FHIT: variants seen among roughly 807,000 people sequenced by gnomAD.
FHIT encodes fragile histidine triad diadenosine triphosphatase.
In FHIT, 19 loss-of-function variants were observed where a neutral mutation model predicts 17.9. The observed-to-expected ratio is 1.06, with a 90% CI of 0.74 to 1.56. The LOEUF (loss-of-function observed/expected upper bound fraction) is 1.56. FHIT is among the 40% of genes most tolerant of loss of function. FHIT has a pLI of 0.00. For missense variants in FHIT, 248 were observed against 189.2 expected, an observed-to-expected ratio of 1.31 and a Z score of -1.82; for synonymous variants, 81 against 69.7, an observed-to-expected ratio of 1.16 and a Z score of -0.81.
intron 8 of FHIT, among the ~76,000 whole-genome samples, chr3:59,830,114 C>T (rs1287795432): frequency 6.6e-6 from 1 of 151,998 alleles, no homozygotes; most frequent in Non-Finnish European, 1.5e-5. Context: ...CAAAAGTTTA[C>T]ATTAGTGGCA....
intron 8 of FHIT, among the ~76,000 whole-genome samples, chr3:59,900,681 T>G (rs1704286293): frequency 1.3e-5 from 2 of 152,178 alleles, no homozygotes; most frequent in African/African-American, 4.8e-5. Context: ...TGGTGCGATC[T>G]CAGCTCACTG....
chr3:60,121,686 A>AAAAAC (rs1553690200), intron 5 of FHIT, among the ~76,000 whole-genome samples: 4 of 96,888 alleles, frequency 4.1e-5, no homozygotes, highest in African/African-American at 1.7e-4. Context: ...TCTGTCTCAA[A>AAAAAC]AAACAAACAA....
chr3:60,629,981 C>T (rs2039396848), intron 4 of FHIT, among the ~76,000 whole-genome samples: 1 of 152,172 alleles, frequency 6.6e-6, no homozygotes, highest in African/African-American at 2.4e-5. Flanking sequence ...GTGTCAGGAC[C>T]TTGCTCCTGT....
chr3:60,478,032 T>A (rs452392), intron 5 of FHIT, among the ~76,000 whole-genome samples: 60,589 of 151,926 alleles, frequency 0.4, 13,078 homozygotes, highest in South Asian at 0.54. Context: ...AAATAATAAT[T>A]GCAACAAAAG....
At chr3:60,788,147 A>T (rs996946427) in intron 4 of FHIT, among the ~76,000 whole-genome samples, 30 of 152,330 alleles carry the variant, frequency 2.0e-4, no homozygotes, top group Non-Finnish European at 3.2e-4. Flanking sequence ...TGTTGTGAAG[A>T]AACAGCCAGT....
chr3:60,849,463 T>TATATAA (rs1169667916), intron 3 of FHIT, among the ~76,000 whole-genome samples: 11 of 144,960 alleles, frequency 7.6e-5, no homozygotes, highest in African/African-American at 2.8e-4. Context: ...TATATATATA[T>TATATAA]AAAATTATTA....
intron 5 of FHIT, among the ~76,000 whole-genome samples, chr3:60,324,690 A>T (rs2106821425): frequency 6.6e-6 from 1 of 152,336 alleles, no homozygotes; most frequent in Non-Finnish European, 1.5e-5. Flanking sequence ...GCAGAAAAAG[A>T]ACAAATGCGT....
At chr3:60,653,217 C>T (rs2040037000) in intron 4 of FHIT, among the ~76,000 whole-genome samples, 1 of 152,044 alleles carries the variant, frequency 6.6e-6, no homozygotes, top group Non-Finnish European at 1.5e-5. Context: ...AAGACACAAA[C>T]TTTAAAAATA....
At chr3:60,209,633 G>C (rs561200152) in intron 5 of FHIT, among the ~76,000 whole-genome samples, 4 of 152,276 alleles carry the variant, frequency 2.6e-5, no homozygotes, top group African/African-American at 7.2e-5. Flanking sequence ...AACAAGGAAA[G>C]TGAGTGAAAA....
chr3:60,605,406 A>T (rs957521094), intron 4 of FHIT, among the ~76,000 whole-genome samples: 2 of 152,222 alleles, frequency 1.3e-5, no homozygotes, highest in Admixed American at 6.5e-5. Flanking sequence ...GTTCCACCTG[A>T]CAGATACCAA....
chr3:59,836,872 C>A (rs1701357538), intron 8 of FHIT, among the ~76,000 whole-genome samples: 1 of 152,140 alleles, frequency 6.6e-6, no homozygotes, highest in Non-Finnish European at 1.5e-5. Flanking sequence ...GAGGCCCCTG[C>A]AAAGGCAGAA....
At chr3:60,563,865 C>G (rs1055727898) in intron 4 of FHIT, among the ~76,000 whole-genome samples, 4 of 152,166 alleles carry the variant, frequency 2.6e-5, no homozygotes, top group Non-Finnish European at 2.9e-5. Context: ...GCAGCAAGTG[C>G]TAATACAGAA....
intron 8 of FHIT, among the ~76,000 whole-genome samples, chr3:59,885,651 C>A: frequency 6.6e-6 from 1 of 152,256 alleles, no homozygotes; most frequent in Non-Finnish European, 1.5e-5. Context: ...ACTTTGAATG[C>A]TGCTTTTTTT....
chr3:60,528,956 C>T (rs2035672203), intron 5 of FHIT, among the ~76,000 whole-genome samples: 1 of 152,138 alleles, frequency 6.6e-6, no homozygotes. Context: ...AACTCCACTG[C>T]CTAAGACATA....
intron 2 of FHIT, among the ~76,000 whole-genome samples, chr3:61,127,801 C>G (rs1475211871): frequency 6.6e-6 from 1 of 151,776 alleles, no homozygotes; most frequent in African/African-American, 2.4e-5. Context: ...AACCAGGAGG[C>G]GGAGACTGCA....
chr3:60,221,093 G>A (rs1447225890), intron 5 of FHIT, among the ~76,000 whole-genome samples: 1 of 152,062 alleles, frequency 6.6e-6, no homozygotes, highest in African/African-American at 2.4e-5. Flanking sequence ...TATTCTTAAT[G>A]TGCCCTACAG....
chr3:59,960,690 T>C (rs1707631749), intron 7 of FHIT, among the ~76,000 whole-genome samples: 1 of 152,248 alleles, frequency 6.6e-6, no homozygotes, highest in African/African-American at 2.4e-5. Context: ...ATTCTTCTAA[T>C]ACACTTCTTC....
At chr3:60,587,375 G>C (rs782672101) in intron 4 of FHIT, among the ~76,000 whole-genome samples, 5 of 152,000 alleles carry the variant, frequency 3.3e-5, no homozygotes, top group African/African-American at 7.2e-5. Context: ...AGGGAAGAGA[G>C]AGCATTAGGA....
intron 5 of FHIT, among the ~76,000 whole-genome samples, chr3:60,399,284 G>T (rs1474644680): frequency 6.6e-6 from 1 of 152,102 alleles, no homozygotes; most frequent in Non-Finnish European, 1.5e-5. Context: ...AGTTCTAAAA[G>T]AAATATCCCA....
Sources: allele counts gnomAD v4.1 joint callset (sites outside exome capture counted in the v4.1 genomes callset), GRCh38; gene constraint gnomAD v4.1.1; transcripts MANE v1.5; gene names NCBI Gene and HGNC (gene_info 2026-07-23, HGNC 2026-07-21).